Variants in MAP4 observed in about 807,000 individuals in gnomAD.
MAP4 encodes microtubule-associated protein 4.
Under a neutral mutation model 170.2 loss-of-function variants are expected in MAP4, and 76 were observed. That is an observed-to-expected ratio of 0.45 (90% CI 0.37 to 0.54). MAP4 has a LOEUF of 0.54. MAP4 is among the 20% of genes least tolerant of loss of function. MAP4 has a pLI of 0.00. For synonymous variants in MAP4, 909 were observed against 994.5 expected (o/e 0.91, Z 1.62); for missense variants, 2,506 against 2,748.0 (o/e 0.91, Z 1.97).
At chr3:47,937,208 C>A (rs2100053472) in intron 3 of MAP4, among the ~76,000 whole-genome samples, 1 of 152,086 alleles carries the variant, frequency 6.6e-6, no homozygotes, top group African/African-American at 2.4e-5. Flanking sequence ...TCTCAAAAAT[C>A]TGGTAAAACA....
chr3:48,006,101 T>G (rs1364295609), intron 1 of MAP4, among the ~76,000 whole-genome samples: 1 of 152,122 alleles, frequency 6.6e-6, no homozygotes, highest in Non-Finnish European at 1.5e-5. Flanking sequence ...AACACAAAAC[T>G]TCTAGGTCGA....
intron 3 of MAP4, among the ~76,000 whole-genome samples, chr3:47,955,461 C>T (rs1039518871): frequency 6.6e-6 from 1 of 151,548 alleles, no homozygotes; most frequent in East Asian, 1.9e-4. Flanking sequence ...CACACACACA[C>T]ACACACACAC....
intron 3 of MAP4, among the ~76,000 whole-genome samples, chr3:47,959,169 T>C (rs906323735): frequency 6.6e-6 from 1 of 151,914 alleles, no homozygotes; most frequent in African/African-American, 2.4e-5. Context: ...TTTAAAAATG[T>C]ATATACATGA....
chr3:47,859,891 A>G lies in MAP4; in HGVS notation c.6502-2379T>C, dbSNP rs373347591. 5.9e-5 allele frequency among the ~76,000 whole-genome samples: 9 copies of G among 152,346 alleles called. No individual in the cohort carries two copies. In the East Asian group the frequency reaches 1.2e-3, roughly 20 times the overall value. On this transcript the variant is annotated intron_variant, in intron 17 of 20. Coordinates refer to ENST00000683076, the MANE Select transcript of MAP4 (RefSeq NM_001385682.1). ...GATACCTCCTCCTAAGTATGTGCTG[A>G]TGACACCACTGTAAGTGCTTTATCT...
chr3:47,854,444 G>A (rs1314019853), intron 19 of MAP4, among the ~76,000 whole-genome samples: 2 of 152,202 alleles, frequency 1.3e-5, no homozygotes, highest in African/African-American at 4.8e-5. Context: ...GAGCAGAGAT[G>A]GAAGGGAAGG....
In MAP4 at chr3:47,969,747, C is replaced by T. The variant is rs115391193; in HGVS notation, c.292+8118G>A. On this transcript the variant is annotated intron_variant, in intron 3 of 20. Coordinates refer to ENST00000683076, the MANE Select transcript of MAP4 (RefSeq NM_001385682.1). ...ACAAGACATCTGCATCCTGGCACCA[C>T]ACATGTGCAAATCCAGAAGTACAAG... Among the ~76,000 whole-genome samples the T allele has an allele frequency of 3.8e-3, 572 of 151,976 alleles. 4 individuals are homozygous for T. Among genetic ancestry groups the T allele is most frequent in the African/African-American group, 0.013 (536 of 41,442 alleles).
At chr3:47,999,866 T>A (rs540037920) in intron 1 of MAP4, among the ~76,000 whole-genome samples, 39 of 148,698 alleles carry the variant, frequency 2.6e-4, no homozygotes, top group African/African-American at 9.2e-4. Flanking sequence ...AAAAAGTAAA[T>A]CTATAAGCAA....
chr3:47,929,822 T>C lies in MAP4; in HGVS notation c.293-1472A>G, dbSNP rs142547445. Among the ~76,000 whole-genome samples the C allele has an allele frequency of 1.6e-3, 239 of 152,240 alleles. 8 individuals carry two copies. The East Asian group carries it at 0.04, about 25-fold the overall frequency. ...GGGACACCATGAAAATTTAAAACTT[T>C]TGCTTTTCAAAGATGCTATTAAACG... On this transcript the variant is annotated intron_variant, in intron 3 of 20. Transcript: ENST00000683076.
intron 5 of MAP4, 96 bp downstream of exon 5, chr3:47,921,669 T>A (rs939205493): frequency 6.3e-5 from 43 of 678,784 alleles, no homozygotes; most frequent in Non-Finnish European, 1.0e-4. Flanking sequence ...TTCTTGTTAA[T>A]CTTTTGTCAC....
At chr3:48,061,814 C>A (rs796851797) in intron 1 of MAP4, among the ~76,000 whole-genome samples, 54 of 141,604 alleles carry the variant, frequency 3.8e-4, no homozygotes, top group South Asian at 6.8e-4. Flanking sequence ...CCCACCCGGC[C>A]AGCCGCCCCA....
chr3:47,971,481 T>A (rs1281021938), intron 3 of MAP4, among the ~76,000 whole-genome samples: 1 of 152,196 alleles, frequency 6.6e-6, no homozygotes, highest in African/African-American at 2.4e-5. Flanking sequence ...AAAAGTAGAT[T>A]TACTGTTTCA....
At chr3:47,876,173 G>A (rs1166993758) in intron 11 of MAP4, among the ~76,000 whole-genome samples, 7 of 143,098 alleles carry the variant, frequency 4.9e-5, no homozygotes, top group South Asian at 2.2e-4. Context: ...TCTCTCTGTC[G>A]CCCAGGCTGG....
intron 1 of MAP4, among the ~76,000 whole-genome samples, chr3:48,003,324 G>C (rs1455972012): frequency 6.6e-6 from 1 of 151,554 alleles, no homozygotes; most frequent in Non-Finnish European, 1.5e-5. Flanking sequence ...CATGGTGGTG[G>C]GCACCTGTAA....
chr3:47,972,880 C>T (rs1303438409), intron 3 of MAP4, among the ~76,000 whole-genome samples: 13 of 148,852 alleles, frequency 8.7e-5, no homozygotes, highest in Admixed American at 2.0e-4. Context: ...AGCGAGACTC[C>T]GTCTCAAAAA....
At chr3:47,853,871 C>CAGGGGTCCATGGGAGGCAGAA (rs2049331091) in intron 19 of MAP4, among the ~76,000 whole-genome samples, 2 of 152,164 alleles carry the variant, frequency 1.3e-5, no homozygotes, top group South Asian at 4.1e-4. Context: ...ATTCTGGGAC[C>CAGGGGTCCATGGGAGGCAGAA]AGGGGTCCAT....
rs1407190695 is a variant in MAP4, at chr3:47,944,388, T to C, written c.293-16038A>G. ...CCACAGTCTGTTATACATACTTTCT[T>C]TTCCAGCTCACTCCATCCAAAATAT... On this transcript the variant is annotated intron_variant, in intron 3 of 20. Coordinates refer to ENST00000683076, the MANE Select transcript of MAP4 (RefSeq NM_001385682.1). Among the ~76,000 whole-genome samples the C allele has an allele frequency of 3.3e-5, 5 of 152,048 alleles. 1 individual carries two copies. Among genetic ancestry groups the C allele is most frequent in the Non-Finnish European group, 1.5e-5 (1 of 67,970 alleles).
intron 2 of MAP4, among the ~76,000 whole-genome samples, chr3:47,998,001 AC>A (rs2100096894): frequency 6.6e-6 from 1 of 152,228 alleles, no homozygotes; most frequent in African/African-American, 2.4e-5. Context: ...TCTATCAAAC[AC>A]TGAAAAGAAG....
intron 16 of MAP4, among the ~76,000 whole-genome samples, chr3:47,868,222 C>A (rs181535739): frequency 2.0e-5 from 3 of 152,314 alleles, no homozygotes; most frequent in Admixed American, 6.5e-5. Flanking sequence ...ATCCTAGGAC[C>A]TTCTCAAGAA....
rs771633024 is a variant in MAP4, at chr3:47,855,284, A to G, written c.6660T>C (p.Asp2220=). 6.2e-6 allele frequency: 10 copies of G among 1,613,908 alleles called. No homozygotes were observed. Among genetic ancestry groups the G allele is most frequent in the Non-Finnish European group, 8.5e-6 (10 of 1,179,954 alleles). Residue 2220 remains aspartate, a synonymous_variant, in exon 19 of 21, where the codon GAT becomes GAC. Transcript: ENST00000683076. This position sits in a 1 kb window ranked among gnomAD's most constrained non-coding sequence, Gnocchi z 5.1. The part of the protein sequence containing the change: ...EKAQAKVGSL[D]NVGHLPAGGA... ...CTCCTGCAGGTAGGTGGCCCACATT[A>G]TCGAGGGATCCCACCTTGGCCTGGG...
Sources: allele counts gnomAD v4.1 joint callset (sites outside exome capture counted in the v4.1 genomes callset), GRCh38; gene constraint gnomAD v4.1.1; non-coding constraint Gnocchi (gnomAD v3.1); transcripts MANE v1.5; gene names NCBI Gene and HGNC (gene_info 2026-07-23, HGNC 2026-07-21).